Variants in KPNB1 observed in about 807,000 individuals in gnomAD.
The protein encoded by KPNB1 is karyopherin subunit beta 1.
A neutral mutation model predicts 113.0 loss-of-function variants in KPNB1; 7 were observed. That is an observed-to-expected ratio of 0.06 (90% CI 0.04 to 0.12). The LOEUF (loss-of-function observed/expected upper bound fraction) is 0.12. KPNB1 is among the 10% of genes least tolerant of loss of function. The pLI, the probability that KPNB1 is intolerant of heterozygous loss-of-function variation, is 1.00. For synonymous variants in KPNB1, 363 were observed against 378.6 expected (o/e 0.96, Z 0.48); for missense variants, 400 against 1,054.8 (o/e 0.38, Z 8.60).
At chr17:47,654,777 A>T (rs997840122) in intron 3 of KPNB1, among the ~76,000 whole-genome samples, 1 of 152,208 alleles carries the variant, frequency 6.6e-6, no homozygotes, top group Non-Finnish European at 1.5e-5. Context: ...TGCACTCCAC[A>T]TATGTACTAG....
chr17:47,675,214 A>G (rs2030559634), intron 15 of KPNB1, among the ~76,000 whole-genome samples: 1 of 151,966 alleles, frequency 6.6e-6, no homozygotes, highest in Non-Finnish European at 1.5e-5. Flanking sequence ...AGAATTTTTG[A>G]CTATAGAAAG....
rs1213847625 is a variant in KPNB1 at position 47,675,381 on chromosome 17, TTTTGTTTG to T, written c.1912+603_1912+610del. Among the ~76,000 whole-genome samples the T allele has an allele frequency of 3.7e-3, 397 of 107,140 alleles. 57 individuals are homozygous for T. Among genetic ancestry groups the T allele is most frequent in the African/African-American group, 5.7e-3 (129 of 22,766 alleles). 70.3% of individuals were successfully genotyped at this position (107,140 alleles called of 152,430 possible). ...GTGTTGTTTTTTTTTTGTTTTTTTT[TTTTGTTTG>T]TTTTTTTTTTGAGACTTGTTCTGTT... is the stretch of plus-strand genomic sequence containing the variant. On this transcript the variant is annotated intron_variant, in intron 15 of 21. Transcript: ENST00000290158.
chr17:47,659,558 G>C (rs1360535613), intron 5 of KPNB1, among the ~76,000 whole-genome samples: 2 of 152,032 alleles, frequency 1.3e-5, no homozygotes, highest in African/African-American at 4.8e-5. Context: ...TTTGAGACTA[G>C]CCTGTGCAAC....
intron 8 of KPNB1, among the ~76,000 whole-genome samples, chr17:47,664,740 AG>A (rs1222120230): frequency 6.6e-6 from 1 of 152,184 alleles, no homozygotes; most frequent in Non-Finnish European, 1.5e-5. Context: ...AAAAATAAAA[AG>A]GTTTTTTTTG....
chr17:47,673,314 C>T, intron 13 of KPNB1, 149 bp downstream of exon 13: 2 of 940,550 alleles, frequency 2.1e-6, no homozygotes, highest in Non-Finnish European at 3.2e-6. Context: ...AACATTGCAC[C>T]TTAACGTTAG....
At chr17:47,652,654 C>T in intron 2 of KPNB1, 40 bp from the exon 3 acceptor site, 5 of 1,466,540 alleles carry the variant, frequency 3.4e-6, no homozygotes, top group Non-Finnish European at 4.6e-6. Context: ...GTGGAAATTC[C>T]TAAGATATTT....
rs2030867930 is a variant in KPNB1, at chr17:47,683,764, A to G, written c.*1360A>G. The G allele has an allele frequency of 6.6e-6, 1 of 152,590 alleles. No individual in the cohort carries two copies. Among genetic ancestry groups the G allele is most frequent in the Non-Finnish European group, 1.5e-5 (1 of 68,016 alleles). The allele number at this position is 152,590 out of a possible 1,614,324, so 9.5% of individuals were successfully genotyped here. On this transcript the variant is annotated 3_prime_UTR_variant, in exon 22 of 22. Transcript: ENST00000290158. ...GTTGTGTGAATACACACACACACTA[A>G]CTAGAAGTCTTGTGATGAAAATGGC...
rs1343780162 is a variant in KPNB1 at position 47,676,497 on chromosome 17, A to G, written c.1995+6A>G. 1.9e-6 allele frequency: 3 copies of G among 1,601,906 alleles called. No individual in the cohort carries two copies. The East Asian group carries it at 6.7e-5, about 36-fold the overall frequency. Reference sequence around the variant, plus strand: ...AAAATTATGCTGAATACCAGGTAGGATGTGCTTTTCAAAATAGTATGTTCC... The same window carrying G: ...AAAATTATGCTGAATACCAGGTAGGGTGTGCTTTTCAAAATAGTATGTTCC... On this transcript the variant is annotated splice_donor_region_variant and intron_variant, in intron 16 of 21. Coordinates refer to ENST00000290158, the MANE Select transcript of KPNB1 (RefSeq NM_002265.6).
At chr17:47,674,196 A>AT (rs1597936886) in intron 14 of KPNB1, among the ~76,000 whole-genome samples, 3 of 152,314 alleles carry the variant, frequency 2.0e-5, no homozygotes, top group East Asian at 3.9e-4. Context: ...GGTTGGTTTG[A>AT]TTTTATCAAG....
chr17:47,669,990 T>C (rs1597933633), intron 11 of KPNB1, 121 bp downstream of exon 11: 1 of 745,890 alleles, frequency 1.3e-6, no homozygotes, highest in East Asian at 2.6e-5. Context: ...TTCTTTCTAA[T>C]TTATTCAATT....
Position 47,669,663 on chromosome 17 carries a change from C to G in KPNB1, c.1225-15C>G. 1 of 1,556,890 alleles carries G rather than the reference C, an allele frequency of 6.4e-7. No individual in the cohort carries two copies. The highest frequency in any genetic ancestry group is 8.8e-7 in the Non-Finnish European group (1 of 1,132,392). ...AATCTTTGTTTTGCTTTGCTAATAA[C>G]TGTTATATTTTCAGGCTATGCCCAC... On this transcript the variant is annotated splice_polypyrimidine_tract_variant and intron_variant, in intron 10 of 21. Transcript: ENST00000290158.
Position 47,650,497 on chromosome 17 carries a change from G to A in KPNB1, c.99+53G>A, listed in dbSNP as rs555772380. 5.2e-6 allele frequency: 8 copies of A among 1,547,086 alleles called. No individual in the cohort carries two copies. The African/African-American group carries it at 8.2e-5, about 16-fold the overall frequency. Reference sequence around the variant, plus strand: ...CGCCGCGTCCCCATCCCCTGCGTGCGGGGCCTTCCCGCCCTCCCGGAGGCC... The same window carrying A: ...CGCCGCGTCCCCATCCCCTGCGTGCAGGGCCTTCCCGCCCTCCCGGAGGCC... On this transcript the variant is annotated intron_variant, in intron 2 of 21. Coordinates refer to ENST00000290158, the MANE Select transcript of KPNB1 (RefSeq NM_002265.6).
intron 8 of KPNB1, 25 bp downstream of exon 8, chr17:47,664,294 T>C (rs2030198301): frequency 7.2e-7 from 1 of 1,383,896 alleles, no homozygotes; most frequent in Non-Finnish European, 1.0e-6. Context: ...ACTATTACTC[T>C]GAATACGCTT....
At chr17:47,673,755 A>T (rs2030517764) in intron 14 of KPNB1, 194 bp downstream of exon 14, 1 of 584,112 alleles carries the variant, frequency 1.7e-6, no homozygotes, top group Non-Finnish European at 3.1e-6. Flanking sequence ...TCTGTCTAGA[A>T]AGATTCAAAT....
chr17:47,650,468 A>AT (rs1915506503), intron 2 of KPNB1, 24 bp downstream of exon 2: 1 of 1,587,974 alleles, frequency 6.3e-7, no homozygotes. Flanking sequence ...CGCCGCGCCC[A>AT]TCCCGCCGCG....
Position 47,665,045 on chromosome 17 carries a change from G to GT in KPNB1, c.898-9dup. 6.2e-7 allele frequency: 1 copy of GT among 1,613,132 alleles called. No homozygotes were observed. Among genetic ancestry groups the GT allele is most frequent in the Admixed American group, 1.7e-5 (1 of 59,986 alleles). ...GTTGCTTTTGTCTAGAATTTGCTTT[G>GT]TTTCTCCTCAGGCAGCAGAACAAGG... On this transcript the variant is annotated splice_polypyrimidine_tract_variant and intron_variant, in intron 8 of 21. Coordinates refer to ENST00000290158, the MANE Select transcript of KPNB1 (RefSeq NM_002265.6).
In KPNB1 at chr17:47,651,705, A is replaced by C. The variant is rs529358130; in HGVS notation, c.100-989A>C. On this transcript the variant is annotated intron_variant, in intron 2 of 21. Transcript: ENST00000290158. ...ATAATTAATAAAACTTTTAAGAATT[A>C]TCTTCTGCTGTGATTGCAGAGCTTG... 4.6e-5 allele frequency among the ~76,000 whole-genome samples: 7 copies of C among 152,372 alleles called. No individual in the cohort carries two copies. The East Asian group carries it at 1.3e-3, about 29-fold the overall frequency.
At chr17:47,675,358 G>GTTTTTTTTTTTTTTTTTTTTTTTTTTTTT (rs1555619221) in intron 15 of KPNB1, among the ~76,000 whole-genome samples, 1 of 88,812 alleles carries the variant, frequency 1.1e-5, no homozygotes, top group Admixed American at 1.1e-4. Flanking sequence ...TGGCAGAGGT[G>GTTTTTTTTTTTTTTTTTTTTTTTTTTTTT]TTGTTTTTTT....
Position 47,682,752 on chromosome 17 carries a change from C to T in KPNB1, c.*348C>T, listed in dbSNP as rs548609196. On this transcript the variant is annotated 3_prime_UTR_variant, in exon 22 of 22. Transcript: ENST00000290158. The stretch of plus-strand genomic sequence containing the variant: ...AGCTTTTCTGTCTTTTGGCCAGTGC[C>T]GAGTGGAATGCCTGGTTTGGGGGAG... 36 of 297,272 alleles carry T rather than the reference C, an allele frequency of 1.2e-4. No homozygotes were observed. Among genetic ancestry groups the T allele is most frequent in the Non-Finnish European group, 2.0e-4 (32 of 157,484 alleles). The allele number at this position is 297,272 out of a possible 1,614,324, so 18.4% of individuals were successfully genotyped here.
Sources: gnomAD v4.1 joint callset for allele counts (sites outside exome capture counted in the v4.1 genomes callset) on GRCh38, gnomAD v4.1.1 for gene constraint, MANE v1.5 for transcripts, NCBI Gene and HGNC (gene_info 2026-07-23, HGNC 2026-07-21) for gene names.